The following FOXP2 variants were observed in gnomAD, a reference collection of about 807,000 sequenced individuals.
FOXP2 encodes the protein forkhead box protein P2.
FOXP2 carries 12 observed loss-of-function variants against 115.8 expected under a neutral mutation model. The ratio of observed to expected loss-of-function variants is 0.10; its 90% CI spans 0.07 to 0.17. The LOEUF (loss-of-function observed/expected upper bound fraction) is 0.17, where lower values mean the gene tolerates loss of function less well. Ranked by LOEUF, FOXP2 falls within the 10% of genes least tolerant of loss-of-function variation. The probability of loss-of-function intolerance (pLI) is 1.00; values close to 1 mark genes in which losing one functional copy is unlikely to be tolerated. For missense variants in FOXP2, 629 were observed against 843.5 expected (o/e 0.75, Z 3.15); for synonymous variants, 328 against 297.7 (o/e 1.10, Z -1.05).
intron 2 of FOXP2, among the ~76,000 whole-genome samples, chr7:114,434,360 A>C (rs969404797): frequency 6.7e-5 from 10 of 148,186 alleles, no homozygotes; most frequent in Non-Finnish European, 1.5e-5. Context: ...TCCTAAATTT[A>C]GATTGTTTTT....
intron 2 of FOXP2, among the ~76,000 whole-genome samples, chr7:114,365,541 C>T (rs1791855835): frequency 6.6e-6 from 1 of 152,030 alleles, no homozygotes; most frequent in Admixed American, 6.6e-5. Flanking sequence ...GAAATTAAAG[C>T]TCTGCAGTTT....
intron 2 of FOXP2, among the ~76,000 whole-genome samples, chr7:114,516,005 A>G (rs549769977): frequency 6.6e-6 from 1 of 152,310 alleles, no homozygotes; most frequent in East Asian, 1.9e-4. Context: ...TATAGATTCA[A>G]TGCCATCCCC....
At chr7:114,264,090 A>G (rs1267117616) in intron 1 of FOXP2, among the ~76,000 whole-genome samples, 1 of 152,070 alleles carries the variant, frequency 6.6e-6, no homozygotes, top group East Asian at 1.9e-4. Flanking sequence ...AGACCCTGTC[A>G]AGGTGGCTGT....
chr7:114,320,693 G>A (rs1797399375), intron 2 of FOXP2, among the ~76,000 whole-genome samples: 1 of 152,166 alleles, frequency 6.6e-6, no homozygotes, highest in South Asian at 2.1e-4. Flanking sequence ...ATAGCTGCAT[G>A]TTGCATCTTC....
intron 1 of FOXP2, among the ~76,000 whole-genome samples, chr7:114,149,296 C>T (rs1792467806): frequency 6.6e-6 from 1 of 151,710 alleles, no homozygotes; most frequent in Non-Finnish European, 1.5e-5. Context: ...GAACAGTGGT[C>T]TTGACTTCTT....
chr7:114,352,815 A>C (rs1028890395), intron 2 of FOXP2, among the ~76,000 whole-genome samples: 1 of 152,156 alleles, frequency 6.6e-6, no homozygotes, highest in African/African-American at 2.4e-5. Flanking sequence ...GGGTGGGTGC[A>C]ATTTAGCATA....
chr7:114,527,391 A>G (rs1798931644), intron 2 of FOXP2, among the ~76,000 whole-genome samples: 1 of 151,982 alleles, frequency 6.6e-6, no homozygotes, highest in Admixed American at 6.6e-5. Flanking sequence ...TTGGACTTCT[A>G]TTACTGTGCC....
intron 1 of FOXP2, among the ~76,000 whole-genome samples, chr7:114,277,351 A>G (rs1796214003): frequency 6.6e-6 from 1 of 152,276 alleles, no homozygotes; most frequent in Admixed American, 6.5e-5. Flanking sequence ...AAACTGTGAG[A>G]GTGGGGTTTG....
At chr7:114,243,933 T>C (rs1562832834) in intron 1 of FOXP2, among the ~76,000 whole-genome samples, 1 of 152,000 alleles carries the variant, frequency 6.6e-6, no homozygotes, top group South Asian at 2.1e-4. Flanking sequence ...TTTTTTGTTT[T>C]GTTTTTGTGT....
intron 1 of FOXP2, among the ~76,000 whole-genome samples, chr7:114,229,286 C>A (rs1471333775): frequency 6.6e-6 from 1 of 151,124 alleles, no homozygotes; most frequent in East Asian, 1.9e-4. Context: ...ATTGCCAGAA[C>A]TGAAAAGAGA....
chr7:114,132,582 TGAGA>T (rs35572133), intron 1 of FOXP2, among the ~76,000 whole-genome samples: 5 of 55,992 alleles, frequency 8.9e-5, no homozygotes, highest in African/African-American at 3.9e-4. Context: ...TGTGTGTGTG[TGAGA>T]GAGAGAGAGA....
intron 2 of FOXP2, among the ~76,000 whole-genome samples, chr7:114,487,303 A>G (rs1210122745): frequency 1.3e-5 from 2 of 152,066 alleles, no homozygotes; most frequent in Non-Finnish European, 2.9e-5. Flanking sequence ...CTTTTTATCC[A>G]TGACTGGAGC....
intron 3 of FOXP2, among the ~76,000 whole-genome samples, chr7:114,602,147 T>C (rs1346757465): frequency 6.6e-6 from 1 of 152,078 alleles, no homozygotes; most frequent in Non-Finnish European, 1.5e-5. Context: ...TTTTCCTTTA[T>C]GTGTTTTAAA....
At chr7:114,248,445 A>G (rs370934908) in intron 1 of FOXP2, among the ~76,000 whole-genome samples, 19 of 152,278 alleles carry the variant, frequency 1.2e-4, no homozygotes, top group African/African-American at 3.8e-4. Flanking sequence ...TACCATCACA[A>G]TGAGAGAAAA....
At chr7:114,394,931 G>A (rs1168177041) in intron 2 of FOXP2, among the ~76,000 whole-genome samples, 1 of 152,176 alleles carries the variant, frequency 6.6e-6, no homozygotes, top group Non-Finnish European at 1.5e-5. Context: ...AGGAGGCTGA[G>A]CATTAGATCG....
chr7:114,160,683 A>G (rs1000924890), upstream of FOXP2, among the ~76,000 whole-genome samples: 2 of 152,248 alleles, frequency 1.3e-5, no homozygotes, highest in Middle Eastern at 3.4e-3. Flanking sequence ...CTAGTATTTT[A>G]GCACATTATA....
intron 3 of FOXP2, among the ~76,000 whole-genome samples, chr7:114,541,335 GAGCA>G (rs1020577693): frequency 1.3e-5 from 2 of 151,962 alleles, no homozygotes; most frequent in African/African-American, 4.8e-5. Context: ...CATTTTTTTA[GAGCA>G]AGAAGAAAAA....
At chr7:114,113,576 C>T (rs1791329177) in intron 1 of FOXP2, among the ~76,000 whole-genome samples, 1 of 152,002 alleles carries the variant, frequency 6.6e-6, no homozygotes, top group African/African-American at 2.4e-5. Context: ...CACTTTGTTG[C>T]CCAGGATGGT....
Position 114,611,052 on chromosome 7 carries a change from T to G in FOXP2, c.259-17488T>G, listed in dbSNP as rs185128955. 2.6e-5 allele frequency among the ~76,000 whole-genome samples: 4 copies of G among 152,334 alleles called. No individual in the cohort carries two copies. In the East Asian group the frequency reaches 7.7e-4, roughly 29 times the overall value. ...TCTGTGTGTAAGACATAAGAAATAT[T>G]TCATCCGTATCTTTGTGTATCTATA... On this transcript the variant is annotated intron_variant, in intron 3 of 16. Coordinates refer to ENST00000350908, the MANE Select transcript of FOXP2 (RefSeq NM_014491.4).
Sources: gnomAD v4.1 joint callset for allele counts (sites outside exome capture counted in the v4.1 genomes callset) on GRCh38, gnomAD v4.1.1 for gene constraint, MANE v1.5 for transcripts, NCBI Gene and HGNC (gene_info 2026-07-23, HGNC 2026-07-21) for gene names.